Variants in TYSND1 observed in about 807,000 individuals in gnomAD.
TYSND1 encodes peroxisomal leader peptide-processing protease.
A neutral mutation model predicts 37.2 loss-of-function variants in TYSND1; 30 were observed. The observed-to-expected ratio is 0.81, with a 90% CI of 0.60 to 1.09. The LOEUF is 1.09. TYSND1 is among the 50% of genes least tolerant of loss of function. TYSND1 has a pLI of 0.00. For synonymous variants in TYSND1, 364 were observed against 383.8 expected, an observed-to-expected ratio of 0.95 and a Z score of 0.60; for missense variants, 806 against 817.4, an observed-to-expected ratio of 0.99 and a Z score of 0.17.
At chr10:70,144,026 G>A (rs1330262149) in intron 1 of TYSND1, 54 bp from the exon 2 acceptor site, 2 of 1,609,128 alleles carry the variant, frequency 1.2e-6, no homozygotes, top group South Asian at 1.1e-5. Flanking sequence ...TCAGTACTTG[G>A]GAGAAATCAA....
chr10:70,140,489 G>A (rs972018022), intron 3 of TYSND1, among the ~76,000 whole-genome samples: 5 of 151,888 alleles, frequency 3.3e-5, no homozygotes, highest in African/African-American at 7.3e-5. Context: ...CCAAGTAGGC[G>A]CGCAACAAAG....
intron 2 of TYSND1, among the ~76,000 whole-genome samples, chr10:70,143,232 G>A (rs2072815000): frequency 6.6e-6 from 1 of 152,212 alleles, no homozygotes; most frequent in African/African-American, 2.4e-5. Flanking sequence ...GAAAAGAAAT[G>A]GTGATGATGG....
At chr10:70,144,080 C>A in intron 1 of TYSND1, 108 bp from the exon 2 acceptor site, 1 of 1,437,730 alleles carries the variant, frequency 7.0e-7, no homozygotes, top group East Asian at 2.3e-5. Flanking sequence ...TGGGTATCAG[C>A]CCTGAATCGA....
intron 2 of TYSND1, 137 bp downstream of exon 2, chr10:70,143,705 A>G (rs2072825726): frequency 4.5e-6 from 5 of 1,101,734 alleles, no homozygotes; most frequent in Non-Finnish European, 6.4e-6. Context: ...CCACCAGCAC[A>G]AAAAGGGAGG....
intron 1 of TYSND1, among the ~76,000 whole-genome samples, chr10:70,145,140 C>T (rs1409831275): frequency 6.6e-6 from 1 of 152,172 alleles, no homozygotes; most frequent in Non-Finnish European, 1.5e-5. Context: ...CCAGAAGAAA[C>T]TCAGCCTTTG....
In TYSND1 at chr10:70,138,904, G is replaced by C. The variant is rs180757613; in HGVS notation, c.*1020C>G. 1 of 152,398 alleles carries C rather than the reference G, an allele frequency of 6.6e-6. No homozygotes were observed. Among genetic ancestry groups the C allele is most frequent in the Admixed American group, 6.5e-5 (1 of 15,294 alleles). 9.4% of individuals were successfully genotyped at this position (152,398 alleles called of 1,614,324 possible). A position where few individuals can be genotyped will look rare whatever the true frequency, so the allele number is the denominator to read the frequency against. On this transcript the variant is annotated 3_prime_UTR_variant, in exon 4 of 4. Transcript: ENST00000287078. ...GCTTGAAACCAGAAGGCTGAAGCCAGCACGGGCAACAAAGCAATACCCCAT... is the reference window on the plus strand; with the variant it reads ...GCTTGAAACCAGAAGGCTGAAGCCACCACGGGCAACAAAGCAATACCCCAT...
intron 3 of TYSND1, among the ~76,000 whole-genome samples, chr10:70,141,804 A>C (rs1252961073): frequency 1.3e-5 from 2 of 152,034 alleles, no homozygotes; most frequent in Non-Finnish European, 2.9e-5. Context: ...TCGAACTCCC[A>C]TTTCAAGTGA....
At chr10:70,144,445 T>C in intron 1 of TYSND1, 1 of 997,568 alleles carries the variant, frequency 1.0e-6, no homozygotes, top group Non-Finnish European at 1.2e-6. Context: ...GTGGGTCAGA[T>C]ATGACATGGT....
Position 70,146,082 on chromosome 10 carries a change from C to A in TYSND1, c.505G>T (p.Glu169Ter), listed in dbSNP as rs1482694192. 3.8e-6 allele frequency: 6 copies of A among 1,587,766 alleles called. No individual in the cohort carries two copies. In the South Asian group the frequency reaches 4.6e-5, roughly 12 times the overall value. The change falls in exon 1 of 4, where the codon GAA (glutamate) becomes TAA (stop). Residue 169 changes from glutamate to a stop codon, truncating the protein, a stop_gained. Coordinates refer to ENST00000287078, the MANE Select transcript of TYSND1 (RefSeq NM_173555.4). LOFTEE classifies it high-confidence loss of function. ...TCCGCCTCCTCGTCCTCCGACACTTCGTCATCCCGCGCCGCGCTCGAGAAG... is the reference window on the plus strand; with the variant it reads ...TCCGCCTCCTCGTCCTCCGACACTTAGTCATCCCGCGCCGCGCTCGAGAAG... ...WRFSSAARDD[E>*]VSEDEEADQL...
rs1265079757 is a variant in TYSND1 at position 70,145,978 on chromosome 10, T to C, written c.609A>G (p.Pro203=). Reference sequence around the variant, plus strand: ...CCCCGAGAGGCGACACCGCCATGGCTGGCCCGCGCTCCTCCTCCACCTCCT... The same window carrying C: ...CCCCGAGAGGCGACACCGCCATGGCCGGCCCGCGCTCCTCCTCCACCTCCT... The part of the protein sequence containing the change: ...GQEEVEEERG[P]AMAVSPLGAV... Residue 203 remains proline, a synonymous_variant, in exon 1 of 4, where the codon CCA becomes CCG. Transcript: ENST00000287078. The C allele has an allele frequency of 6.4e-7, 1 of 1,568,962 alleles. No individual in the cohort carries two copies. Among genetic ancestry groups the C allele is most frequent in the Admixed American group, 1.9e-5 (1 of 53,624 alleles).
rs1356260419 is a variant in TYSND1 at position 70,146,374 on chromosome 10, G to A, written c.213C>T (p.Phe71=). ...CGTCCCTGCAACTGTCGCCAGGCAG[G>A]AAGACGGCGCCGGCCGCGGTCAGGA... ...SEVLTAAGAV[F]LPGDSCRDDL... is the part of the protein sequence containing the mutation. Residue 71 remains phenylalanine (F), a synonymous_variant, in exon 1 of 4, where the codon TTC becomes TTT. Transcript: ENST00000287078. The A allele has an allele frequency of 1.9e-6, 3 of 1,565,116 alleles. No homozygotes were observed. The highest frequency in any genetic ancestry group is 3.8e-5 in the Admixed American group (2 of 52,754).
chr10:70,144,679 T>C (rs1019216587), intron 1 of TYSND1: 42 of 984,270 alleles, frequency 4.3e-5, no homozygotes, highest in Non-Finnish European at 5.1e-5. Flanking sequence ...GTGGGGGGAG[T>C]GGAAGGAATC....
In TYSND1 at chr10:70,143,874, G is replaced by A. The variant is rs1041468361; in HGVS notation, c.1265C>T (p.Pro422Leu). ...GAAGTGCTCAGCGGGCACAGGGATG[G>A]GGACATCATCCAGGTCCTCCTCCAG... ...VSLEEDLDDV[P>L]IPVPAEHFHE... Residue 422 changes from proline to leucine, a missense_variant, in exon 2 of 4, where the codon CCC becomes CTC. Pro to Leu is a moderately conservative substitution (Grantham distance 98). Around this residue, in one of 3 missense-constraint regions of TYSND1, gnomAD observed 708 missense variants for 705.4 expected, o/e 1.00. Transcript: ENST00000287078. 6 of 1,614,058 alleles carry A rather than the reference G, an allele frequency of 3.7e-6. No individual in the cohort carries two copies. The highest frequency in any genetic ancestry group is 3.4e-6 in the Non-Finnish European group (4 of 1,180,024).
Position 70,146,300 on chromosome 10 carries a change from C to T in TYSND1, c.287G>A (p.Gly96Asp), listed in dbSNP as rs1000063689. Residue 96 changes from glycine to aspartate, a missense_variant, in exon 1 of 4, where the codon GGC (glycine) becomes GAC (aspartate). Coordinates refer to ENST00000287078, the MANE Select transcript of TYSND1 (RefSeq NM_173555.4). ...QWAPTAAGPG[G>D]GAERGRPGLC... ...CCCTGGGCGGCCCCGCTCCGCGCCG[C>T]CCCCGGGACCCGCGGCCGTTGGGGC... is the stretch of plus-strand genomic sequence containing the variant. The T allele has an allele frequency of 6.7e-6, 10 of 1,484,034 alleles. No individual in the cohort carries two copies. Among genetic ancestry groups the T allele is most frequent in the Non-Finnish European group, 8.9e-6 (10 of 1,126,610 alleles). 91.9% of individuals were successfully genotyped at this position (1,484,034 alleles called of 1,614,324 possible).
chr10:70,142,778 G>T lies in TYSND1; in HGVS notation c.1373C>A (p.Ser458Ter), dbSNP rs200428388. Reference protein sequence around the residue: ...CGPSVTSGILSAVVQVNGTPV... With the variant: ...CGPSVTSGIL ...CGTGCCATTCACCTGCACCACAGCC[G>T]AAAGGATGCCTGAGGTCACCGAGGG... Residue 458 changes from serine to a stop codon, truncating the protein, a stop_gained, in exon 3 of 4, where the codon TCG (serine) becomes TAG (stop). Transcript: ENST00000287078. LOFTEE classifies it high-confidence loss of function. 1 of 1,614,140 alleles carries T rather than the reference G, an allele frequency of 6.2e-7. No individual in the cohort carries two copies. Among genetic ancestry groups the T allele is most frequent in the East Asian group, 2.2e-5 (1 of 44,882 alleles).
rs1440858764 is a variant in TYSND1 at position 70,145,863 on chromosome 10, C to T, written c.724G>A (p.Val242Met). 3 of 1,544,554 alleles carry T rather than the reference C, an allele frequency of 1.9e-6. No individual in the cohort carries two copies. Among genetic ancestry groups the T allele is most frequent in the Non-Finnish European group, 2.6e-6 (3 of 1,144,724 alleles). ...AGTGGGCCGGCCACGTTGCTGAGCA[C>T]CCCGCAGCTCAGCGTGTTGAGAAAG... ...DIFLNTLSCG[V>M]LSNVAGPLLL... The change falls in exon 1 of 4, where the codon GTG becomes ATG. Residue 242 changes from valine to methionine, a missense_variant. Coordinates refer to ENST00000287078, the MANE Select transcript of TYSND1 (RefSeq NM_173555.4).
chr10:70,145,170 C>T (rs566404885), intron 1 of TYSND1, among the ~76,000 whole-genome samples: 66 of 152,284 alleles, frequency 4.3e-4, no homozygotes, highest in African/African-American at 1.6e-3. Flanking sequence ...CAAAGATGCC[C>T]TGTTCCGGAT....
At chr10:70,143,751 C>A in intron 2 of TYSND1, 91 bp downstream of exon 2, 1 of 1,525,992 alleles carries the variant, frequency 6.6e-7, no homozygotes. Context: ...GCTACCCTGA[C>A]TTCATGAGAA....
At chr10:70,144,861 C>G in intron 1 of TYSND1, 1 of 914,594 alleles carries the variant, frequency 1.1e-6, no homozygotes, top group African/African-American at 1.8e-5. Flanking sequence ...GGCTGCAAGG[C>G]TGGGCTGAAC....
Sources: gnomAD v4.1 joint callset for allele counts (sites outside exome capture counted in the v4.1 genomes callset) on GRCh38, gnomAD v4.1.1 for gene constraint, gnomAD v4.1.1 regional missense constraint, MANE v1.5 for transcripts, NCBI Gene and HGNC (gene_info 2026-07-23, HGNC 2026-07-21) for gene names.